Variants in TOM1 observed in about 807,000 individuals in gnomAD.
TOM1 encodes target of myb1 membrane trafficking protein, also known as target of Myb protein 1.
Under a neutral mutation model 61.3 loss-of-function variants are expected in TOM1, and 38 were observed. The ratio of observed to expected loss-of-function variants is 0.62; its 90% CI spans 0.48 to 0.81. The LOEUF (loss-of-function observed/expected upper bound fraction) is 0.81. TOM1 is among the 40% of genes least tolerant of loss of function. The probability of loss-of-function intolerance (pLI) is 0.00; values close to 1 mark genes in which losing one functional copy is unlikely to be tolerated. For synonymous variants in TOM1, 270 were observed against 268.8 expected, an observed-to-expected ratio of 1.00 and a Z score of -0.04; for missense variants, 591 against 659.6, an observed-to-expected ratio of 0.90 and a Z score of 1.14.
intron 12 of TOM1, among the ~76,000 whole-genome samples, chr22:35,339,668 G>T (rs992859876): frequency 6.6e-6 from 1 of 152,124 alleles, no homozygotes; most frequent in Non-Finnish European, 1.5e-5. Flanking sequence ...ACTTTGGGAG[G>T]CCGAGGCGGG....
intron 2 of TOM1, chr22:35,318,271 ACT>A (rs1601680769): frequency 2.2e-6 from 1 of 445,122 alleles, no homozygotes; most frequent in African/African-American, 2.0e-5. Context: ...CAAGCTGGAG[ACT>A]CTTAATCAGA....
chr22:35,302,330 CTTTTTTTTTT>C (rs138734), intron 1 of TOM1, among the ~76,000 whole-genome samples: 1 of 70,918 alleles, frequency 1.4e-5, no homozygotes, highest in Non-Finnish European at 2.5e-5. Context: ...TTTTCTTTTT[CTTTTTTTTTT>C]TTTTTTTTTT....
chr22:35,314,444 A>G (rs971404449), intron 1 of TOM1, among the ~76,000 whole-genome samples: 4 of 150,072 alleles, frequency 2.7e-5, no homozygotes, highest in African/African-American at 9.7e-5. Flanking sequence ...AGACTCATGC[A>G]CGGGGTGGGG....
chr22:35,347,500 C>A lies in TOM1; in HGVS notation c.*291C>A. 3.3e-6 allele frequency: 1 copy of A among 305,932 alleles called. No individual in the cohort carries two copies. 19.0% of individuals were successfully genotyped at this position (305,932 alleles called of 1,614,324 possible). ...GGAGGCCCCAGGACAGGCTGGCTGG[C>A]TGGCTGGCTGCTTGACCCAGTGTGA... On this transcript the variant is annotated 3_prime_UTR_variant, in exon 15 of 15. Transcript: ENST00000449058.
In TOM1 at chr22:35,323,288, T is replaced by C; in HGVS notation, c.366+111T>C. The stretch of plus-strand genomic sequence containing the variant: ...GTTTGTCCCAGGCTCCGCTTCTCAT[T>C]TCGGGGCGTCTCGGTTGTCGGCTGG... On this transcript the variant is annotated intron_variant, in intron 4 of 14. Coordinates refer to ENST00000449058, the MANE Select transcript of TOM1 (RefSeq NM_005488.3). This position sits in a 1 kb window ranked among gnomAD's most constrained non-coding sequence, Gnocchi z 4.2. The C allele has an allele frequency of 2.7e-6, 4 of 1,478,006 alleles. No individual in the cohort carries two copies. The highest frequency in any genetic ancestry group is 3.7e-6 in the Non-Finnish European group (4 of 1,092,812). The allele number at this position is 1,478,006 out of a possible 1,614,324, so 91.6% of individuals were successfully genotyped here.
chr22:35,317,806 C>G, intron 1 of TOM1, 71 bp from the exon 2 acceptor site: 2 of 1,197,738 alleles, frequency 1.7e-6, no homozygotes, highest in Admixed American at 3.4e-5. Context: ...CCCCCCTCCT[C>G]TCCCACCCAC....
intron 6 of TOM1, among the ~76,000 whole-genome samples, chr22:35,326,605 C>T (rs957920592): frequency 2.6e-5 from 4 of 152,192 alleles, no homozygotes; most frequent in African/African-American, 9.7e-5. Flanking sequence ...AATCCCAGTC[C>T]ACTAGGAGGA....
At chr22:35,314,147 G>C (rs1223569476) in intron 1 of TOM1, among the ~76,000 whole-genome samples, 1 of 152,206 alleles carries the variant, frequency 6.6e-6, no homozygotes, top group Non-Finnish European at 1.5e-5. Context: ...CCGCAATCCT[G>C]TTGTCCACAC....
chr22:35,311,905 G>A (rs1046951537), intron 1 of TOM1, among the ~76,000 whole-genome samples: 2 of 152,144 alleles, frequency 1.3e-5, no homozygotes, highest in Admixed American at 6.5e-5. Flanking sequence ...GGAGTGACAC[G>A]GTCTACCCAG....
At position 35,330,438 on chromosome 22, in the gene TOM1, T is replaced by G. The variant is rs769388553; in HGVS notation, c.857T>G (p.Ile286Ser). Reference protein sequence around the residue: ...ANEQLTEELLIVNDNLNNVFL... With the variant: ...ANEQLTEELLSVNDNLNNVFL... The stretch of plus-strand genomic sequence containing the variant: ...GAGCAGCTGACAGAGGAGCTGCTCA[T>G]CGTCAATGACAATCTCAACAATGTG... The change falls in exon 8 of 15, where the codon ATC (isoleucine) becomes AGC (serine). Residue 286 changes from isoleucine to serine, a missense_variant. Ile to Ser is a moderately radical substitution (Grantham distance 142, BLOSUM62 -2). Transcript: ENST00000449058. The G allele has an allele frequency of 3.3e-5, 54 of 1,613,442 alleles. No homozygotes were observed. Among genetic ancestry groups the G allele is most frequent in the Non-Finnish European group, 4.2e-5 (49 of 1,179,850 alleles).
At chr22:35,325,179 G>A (rs970554649) in intron 6 of TOM1, among the ~76,000 whole-genome samples, 6 of 152,250 alleles carry the variant, frequency 3.9e-5, no homozygotes, top group East Asian at 1.9e-4. Context: ...TCCGCGGAGC[G>A]TAAAGGTGGA....
At chr22:35,304,347 G>A (rs1016697890) in intron 1 of TOM1, among the ~76,000 whole-genome samples, 3 of 152,190 alleles carry the variant, frequency 2.0e-5, no homozygotes, top group Non-Finnish European at 4.4e-5. Context: ...CTTCCCAAGG[G>A]CAGCACCCGT....
At chr22:35,317,405 T>C (rs1315733631) in intron 1 of TOM1, among the ~76,000 whole-genome samples, 1 of 152,126 alleles carries the variant, frequency 6.6e-6, no homozygotes, top group Non-Finnish European at 1.5e-5. Context: ...GTCAGGCTGG[T>C]CTCAACTCCT....
intron 12 of TOM1, 92 bp downstream of exon 12, chr22:35,338,880 G>A: frequency 8.3e-7 from 1 of 1,199,510 alleles, no homozygotes; most frequent in Non-Finnish European, 1.1e-6. Flanking sequence ...GCCAAGCACT[G>A]GCCCAGCACG....
rs986565057 is a variant in TOM1, at chr22:35,336,273, C to T, written c.1148+1825C>T. 1.5e-4 allele frequency among the ~76,000 whole-genome samples: 23 copies of T among 152,326 alleles called. No homozygotes were observed. In the East Asian group the frequency reaches 2.9e-3, roughly 19 times the overall value. The stretch of plus-strand genomic sequence containing the variant: ...ATCCATTTCGTCTTCCCTTTGTTCT[C>T]CTGCCTGGCTGGCCCCCTTAAATGC... On this transcript the variant is annotated intron_variant, in intron 11 of 14. Coordinates refer to ENST00000449058, the MANE Select transcript of TOM1 (RefSeq NM_005488.3).
At chr22:35,300,431 CGCGAAGCCCCGGGCTTGGCGTCTTGGG>C (rs1381550807) in intron 1 of TOM1, among the ~76,000 whole-genome samples, 1 of 152,200 alleles carries the variant, frequency 6.6e-6, no homozygotes, top group African/African-American at 2.4e-5. Context: ...CTCCCAGGAC[CGCGAAGCCCCGGGCTTGGCGTCTTGGG>C]GCCAACTGGC....
At chr22:35,317,701 G>A (rs1424122434) in intron 1 of TOM1, among the ~76,000 whole-genome samples, 176 bp from the exon 2 acceptor site, 1 of 152,040 alleles carries the variant, frequency 6.6e-6, no homozygotes, top group Admixed American at 6.6e-5. Flanking sequence ...TAGTGACGAT[G>A]GGACAATGTG....
chr22:35,321,125 G>C (rs1394420914), intron 2 of TOM1, among the ~76,000 whole-genome samples: 1 of 152,010 alleles, frequency 6.6e-6, no homozygotes, highest in Non-Finnish European at 1.5e-5. Flanking sequence ...CGAGGTGGGA[G>C]AATCATTTGA....
rs377307531 is a variant in TOM1, at chr22:35,346,301, G to A, written c.1284+517G>A. Reference sequence around the variant, plus strand: ...GGGCAGGGCCAGACTCAGCTTCTCCGTCCAGGGCTCCTACCGCAGCATCTG... The same window carrying A: ...GGGCAGGGCCAGACTCAGCTTCTCCATCCAGGGCTCCTACCGCAGCATCTG... On this transcript the variant is annotated intron_variant, in intron 13 of 14. Transcript: ENST00000449058. Among the ~76,000 whole-genome samples the A allele has an allele frequency of 7.0e-4, 106 of 152,360 alleles. 2 individuals are homozygous for A. In the South Asian group the frequency reaches 0.011, roughly 15 times the overall value.
Sources: allele counts gnomAD v4.1 joint callset (sites outside exome capture counted in the v4.1 genomes callset), GRCh38; gene constraint gnomAD v4.1.1; non-coding constraint Gnocchi (gnomAD v3.1); transcripts MANE v1.5; gene names NCBI Gene and HGNC (gene_info 2026-07-23, HGNC 2026-07-21).